The following PARP6 variants were observed in gnomAD, a reference collection of about 807,000 sequenced individuals.
The protein encoded by PARP6 is poly(ADP-ribose) polymerase family member 6.
PARP6 carries 27 observed loss-of-function variants against 92.0 expected under a neutral mutation model. That is an observed-to-expected ratio of 0.29 (90% CI 0.22 to 0.40). The LOEUF (loss-of-function observed/expected upper bound fraction) is 0.40, where lower values mean the gene tolerates loss of function less well. Ranked by LOEUF, PARP6 falls within the 10% of genes least tolerant of loss-of-function variation. The pLI is 1.00. For synonymous variants in PARP6, 272 were observed against 281.2 expected (o/e 0.97, Z 0.33); for missense variants, 501 against 784.5 (o/e 0.64, Z 4.32).
chr15:72,270,625 T>C (rs986715585), intron 2 of PARP6, among the ~76,000 whole-genome samples: 10 of 152,172 alleles, frequency 6.6e-5, no homozygotes, highest in Non-Finnish European at 1.5e-4. Context: ...TGTTCCCCTT[T>C]CTTGGAATGC....
intron 11 of PARP6, among the ~76,000 whole-genome samples, chr15:72,258,535 A>G (rs1423582401): frequency 1.3e-5 from 2 of 152,220 alleles, no homozygotes; most frequent in Non-Finnish European, 2.9e-5. Flanking sequence ...TCAAACTATT[A>G]AAAGTACTTG....
At chr15:72,267,763 T>G in intron 2 of PARP6, 92 bp from the exon 3 acceptor site, 1 of 345,038 alleles carries the variant, frequency 2.9e-6, no homozygotes, top group Non-Finnish European at 5.3e-6. Context: ...TACACTTTTT[T>G]TTTTTGAGAC....
intron 2 of PARP6, among the ~76,000 whole-genome samples, chr15:72,268,438 G>A (rs565199879): frequency 3.9e-5 from 6 of 152,260 alleles, no homozygotes; most frequent in Non-Finnish European, 5.9e-5. Flanking sequence ...GCTATTATAC[G>A]GCAACAATAG....
chr15:72,257,978 A>C (rs1283620677), intron 12 of PARP6, 59 bp downstream of exon 12: 1 of 1,146,892 alleles, frequency 8.7e-7, no homozygotes, highest in East Asian at 2.3e-5. Flanking sequence ...GAAGGAAATA[A>C]AGGAGAGGAG....
At chr15:72,264,476 T>G (rs2086301087) in intron 8 of PARP6, 79 bp downstream of exon 8, 2 of 1,068,286 alleles carry the variant, frequency 1.9e-6, no homozygotes, top group Non-Finnish European at 2.9e-6. Flanking sequence ...CATCCAAGGC[T>G]CTGCCTGTCC....
At chr15:72,267,385 AAG>A in intron 3 of PARP6, 88 bp downstream of exon 3, 1 of 1,405,992 alleles carries the variant, frequency 7.1e-7, no homozygotes, top group Non-Finnish European at 1.0e-6. Context: ...AAAAGGGTAG[AAG>A]GGAAAATACC....
At chr15:72,255,957 T>C (rs7165029) in intron 14 of PARP6, among the ~76,000 whole-genome samples, 149,716 of 151,628 alleles carry the variant, frequency 0.99, 73,952 homozygotes, top group Middle Eastern at 1. Context: ...CCACCACACC[T>C]GGCTAATTTT....
At chr15:72,245,467 TCTGG>T (rs2083496373) in intron 20 of PARP6, 1 of 152,152 alleles carries the variant, frequency 6.6e-6, no homozygotes, top group African/African-American at 2.4e-5. Flanking sequence ...CAAGATGAGA[TCTGG>T]GTGGAGACAC....
At chr15:72,271,459 G>A (rs1413836204) in intron 1 of PARP6, among the ~76,000 whole-genome samples, 172 bp from the exon 2 acceptor site, 1 of 152,176 alleles carries the variant, frequency 6.6e-6, no homozygotes, top group East Asian at 1.9e-4. Context: ...AAAAGGTGAA[G>A]AGTTGGAAAA....
At chr15:72,246,764 T>TA (rs1567167483) in intron 20 of PARP6, among the ~76,000 whole-genome samples, 1 of 150,742 alleles carries the variant, frequency 6.6e-6, no homozygotes, top group Admixed American at 6.6e-5. Flanking sequence ...TATTATTATT[T>TA]TTTTTTTTGA....
At chr15:72,267,190 G>C (rs1327769446) in intron 3 of PARP6, 3 of 543,442 alleles carry the variant, frequency 5.5e-6, no homozygotes, top group East Asian at 6.1e-5. Flanking sequence ...CCTCTTCCAG[G>C]ATCATTACCT....
chr15:72,267,681 G>T lies in PARP6; in HGVS notation c.-194-10C>A. On this transcript the variant is annotated splice_polypyrimidine_tract_variant and intron_variant, in intron 2 of 23. Transcript: ENST00000569795. ...GTAACAAGTCACTGTCCTGTGGAAA[G>T]TAGATAATAATGGGTTTCATCACCA... The T allele has an allele frequency of 1.7e-6, 1 of 580,966 alleles. No individual in the cohort carries two copies. The highest frequency in any genetic ancestry group is 3.1e-6 in the Non-Finnish European group (1 of 320,424). The allele number at this position is 580,966 out of a possible 1,614,324, so 36.0% of individuals were successfully genotyped here. A position where few individuals can be genotyped will look rare whatever the true frequency, so the allele number is the denominator to read the frequency against.
chr15:72,261,414 G>C lies in PARP6; in HGVS notation c.545+144C>G, dbSNP rs907183028. On this transcript the variant is annotated intron_variant, in intron 9 of 23. Transcript: ENST00000569795. ...GAGTAGAAAGGTAAGGACACATAGG[G>C]AACAGGACCATGTGAGTGGTGTCAG... 3 of 728,758 alleles carry C rather than the reference G, an allele frequency of 4.1e-6. No individual in the cohort carries two copies. The African/African-American group carries it at 5.3e-5, about 13-fold the overall frequency. 45.1% of individuals were successfully genotyped at this position (728,758 alleles called of 1,614,324 possible). A position where few individuals can be genotyped will look rare whatever the true frequency, so the allele number is the denominator to read the frequency against.
At chr15:72,270,772 CTTTA>C (rs2141141940) in intron 2 of PARP6, among the ~76,000 whole-genome samples, 1 of 152,316 alleles carries the variant, frequency 6.6e-6, no homozygotes, top group Non-Finnish European at 1.5e-5. Context: ...CCCTTCCCAG[CTTTA>C]TTTTTTTCCA....
At chr15:72,243,258 T>C (rs567979050) in intron 20 of PARP6, 3 of 152,410 alleles carry the variant, frequency 2.0e-5, no homozygotes, top group African/African-American at 7.2e-5. Context: ...GAGCAGCACA[T>C]GAAATCAGCC....
chr15:72,265,118 C>G lies in PARP6; in HGVS notation c.291G>C (p.Arg97Ser). 6.2e-7 allele frequency: 1 copy of G among 1,613,816 alleles called. No homozygotes were observed. Among genetic ancestry groups the G allele is most frequent in the Non-Finnish European group, 8.5e-7 (1 of 1,179,766 alleles). Reference sequence around the variant, plus strand: ...GGTACTGGGAGAGAGAAAATCGCAGCCTCAACACAATAGGTTCTGTCCGGA... The same window carrying G: ...GGTACTGGGAGAGAGAAAATCGCAGGCTCAACACAATAGGTTCTGTCCGGA... The part of the protein sequence containing the change: ...KVLRTEPIVL[R>S]LRFSLSQYLD... The change falls in exon 7 of 24, where the codon AGG (arginine) becomes AGC (serine). Residue 97 changes from arginine to serine, a missense_variant. Around this residue, in one of 4 missense-constraint regions of PARP6, gnomAD observed 291 missense variants for 352.0 expected, o/e 0.83. Coordinates refer to ENST00000569795, the MANE Select transcript of PARP6 (RefSeq NM_001323532.2).
At chr15:72,249,595 A>G (rs1376066898) in intron 19 of PARP6, among the ~76,000 whole-genome samples, 2 of 152,088 alleles carry the variant, frequency 1.3e-5, no homozygotes, top group African/African-American at 4.8e-5. Flanking sequence ...GCCTTGGTAC[A>G]TATGCAGATT....
chr15:72,267,388 G>T (rs1483236437), intron 3 of PARP6, 87 bp downstream of exon 3: 12 of 1,441,978 alleles, frequency 8.3e-6, no homozygotes, highest in Non-Finnish European at 9.8e-6. Flanking sequence ...AGGGTAGAAG[G>T]GAAAATACCA....
intron 10 of PARP6, 79 bp from the exon 11 acceptor site, chr15:72,259,740 C>T (rs1049179886): frequency 2.1e-5 from 26 of 1,212,820 alleles, no homozygotes; most frequent in Non-Finnish European, 8.5e-6. Context: ...TGCCTATCAC[C>T]TAGGACTCTC....
Sources: gnomAD v4.1 joint callset for allele counts (sites outside exome capture counted in the v4.1 genomes callset) on GRCh38, gnomAD v4.1.1 for gene constraint, gnomAD v4.1.1 regional missense constraint, MANE v1.5 for transcripts, NCBI Gene and HGNC (gene_info 2026-07-23, HGNC 2026-07-21) for gene names.